Variants in CDK6 observed in about 807,000 individuals in gnomAD.
The protein encoded by CDK6 is cyclin dependent kinase 6, also known as cyclin-dependent kinase 6.
In CDK6, 6 loss-of-function variants were observed where a neutral mutation model predicts 37.1. The observed-to-expected ratio is 0.16, with a 90% CI of 0.09 to 0.32. The LOEUF is 0.32. CDK6 is among the 10% of genes least tolerant of loss of function. CDK6 has a pLI of 1.00. For synonymous variants in CDK6, 160 were observed against 161.3 expected (o/e 0.99, Z 0.06); for missense variants, 224 against 418.9 (o/e 0.53, Z 4.06).
At chr7:92,634,566 T>C (rs910703169) in intron 5 of CDK6, among the ~76,000 whole-genome samples, 1 of 152,196 alleles carries the variant, frequency 6.6e-6, no homozygotes, top group East Asian at 1.9e-4. Context: ...GAATTCTGAC[T>C]GGAGTTGCAT....
At chr7:92,675,350 T>TA (rs1797180092) in intron 4 of CDK6, among the ~76,000 whole-genome samples, 2 of 152,220 alleles carry the variant, frequency 1.3e-5, no homozygotes, top group Non-Finnish European at 2.9e-5. Flanking sequence ...ATCAAATGCT[T>TA]TTTAAAATGT....
intron 3 of CDK6, among the ~76,000 whole-genome samples, chr7:92,766,856 CTAAG>C (rs1445928280): frequency 6.6e-6 from 1 of 152,168 alleles, no homozygotes; most frequent in African/African-American, 2.4e-5. Context: ...TTAGCTGAAT[CTAAG>C]TGTCATTTGC....
At chr7:92,683,844 A>G (rs2116628250) in intron 4 of CDK6, among the ~76,000 whole-genome samples, 1 of 152,370 alleles carries the variant, frequency 6.6e-6, no homozygotes, top group Middle Eastern at 3.4e-3. Context: ...AAAGGAGGAC[A>G]CATCTGAGAG....
At chr7:92,696,481 T>C (rs998090021) in intron 4 of CDK6, among the ~76,000 whole-genome samples, 1 of 152,170 alleles carries the variant, frequency 6.6e-6, no homozygotes, top group Admixed American at 6.5e-5. Flanking sequence ...TATATGTGTA[T>C]TTTTTTAATA....
intron 2 of CDK6, among the ~76,000 whole-genome samples, chr7:92,813,259 A>G (rs1038692928): frequency 2.6e-5 from 4 of 152,174 alleles, no homozygotes; most frequent in African/African-American, 9.7e-5. Context: ...ATAACCGTGA[A>G]AAGAAGATGG....
chr7:92,629,070 G>C (rs551107763), intron 5 of CDK6, among the ~76,000 whole-genome samples: 1 of 152,106 alleles, frequency 6.6e-6, no homozygotes, highest in African/African-American at 2.4e-5. Context: ...TGGTGGGAAA[G>C]AGCACGGAAA....
chr7:92,798,818 C>T (rs1364530602), intron 2 of CDK6, among the ~76,000 whole-genome samples: 1 of 152,086 alleles, frequency 6.6e-6, no homozygotes, highest in East Asian at 1.9e-4. Flanking sequence ...CTCCCAATTC[C>T]TCCCTGCTTC....
chr7:92,751,197 C>T (rs994561825), intron 3 of CDK6, among the ~76,000 whole-genome samples: 18 of 152,076 alleles, frequency 1.2e-4, no homozygotes, highest in Non-Finnish European at 2.4e-4. Context: ...CATAATCTTC[C>T]TTTGTTCTCA....
chr7:92,644,490 A>G (rs1796395123), intron 5 of CDK6, among the ~76,000 whole-genome samples: 1 of 152,128 alleles, frequency 6.6e-6, no homozygotes, highest in African/African-American at 2.4e-5. Flanking sequence ...CTGGAAATCT[A>G]TTTTTCCCTC....
At chr7:92,687,218 G>C (rs1207880632) in intron 4 of CDK6, among the ~76,000 whole-genome samples, 2 of 152,156 alleles carry the variant, frequency 1.3e-5, no homozygotes, top group East Asian at 3.8e-4. Flanking sequence ...CTCTCTTACA[G>C]CCCTTGCTGA....
intron 5 of CDK6, among the ~76,000 whole-genome samples, chr7:92,643,936 G>A (rs1335497731): frequency 6.6e-6 from 1 of 152,186 alleles, no homozygotes; most frequent in East Asian, 1.9e-4. Context: ...CCATGGAATT[G>A]TCATATCAGC....
At chr7:92,695,921 T>G (rs1273183640) in intron 4 of CDK6, among the ~76,000 whole-genome samples, 1 of 152,202 alleles carries the variant, frequency 6.6e-6, no homozygotes, top group Admixed American at 6.5e-5. Context: ...GAAGGACACC[T>G]CTCTCACGCA....
At chr7:92,759,369 G>A (rs2115715577) in intron 3 of CDK6, among the ~76,000 whole-genome samples, 1 of 152,220 alleles carries the variant, frequency 6.6e-6, no homozygotes, top group Middle Eastern at 3.4e-3. Context: ...CCTTTAACCT[G>A]TGTTTCAGAT....
intron 5 of CDK6, 143 bp from the exon 6 acceptor site, chr7:92,623,229 T>C: frequency 6.4e-6 from 4 of 625,942 alleles, no homozygotes; most frequent in Non-Finnish European, 1.1e-5. Flanking sequence ...ATTTTTCCTT[T>C]GGTAAGTGAA....
intron 5 of CDK6, among the ~76,000 whole-genome samples, chr7:92,662,962 G>A (rs1280807911): frequency 6.6e-6 from 1 of 152,156 alleles, no homozygotes; most frequent in African/African-American, 2.4e-5. Flanking sequence ...AAGATTGTGA[G>A]TAAAAGTTTG....
chr7:92,810,175 A>G (rs1284832282), intron 2 of CDK6, among the ~76,000 whole-genome samples: 1 of 152,222 alleles, frequency 6.6e-6, no homozygotes, highest in Non-Finnish European at 1.5e-5. Context: ...ATCTGTCAGA[A>G]TTAAGCCATT....
chr7:92,826,835 G>C (rs962292126), intron 2 of CDK6, among the ~76,000 whole-genome samples: 12 of 152,048 alleles, frequency 7.9e-5, no homozygotes, highest in African/African-American at 2.7e-4. Context: ...TTATCTAAGG[G>C]GTTTAAAATT....
intron 5 of CDK6, among the ~76,000 whole-genome samples, chr7:92,638,989 G>A (rs1055659824): frequency 1.4e-4 from 21 of 152,116 alleles, no homozygotes; most frequent in Admixed American, 9.8e-4. Flanking sequence ...TTTCTTGTTG[G>A]GGGGTGATGA....
intron 5 of CDK6, among the ~76,000 whole-genome samples, chr7:92,638,020 T>C (rs976076732): frequency 3.9e-5 from 6 of 152,222 alleles, no homozygotes; most frequent in African/African-American, 1.4e-4. Flanking sequence ...TTGGTATAAT[T>C]TGTTAATAGA....
Sources: gnomAD v4.1 joint callset for allele counts (sites outside exome capture counted in the v4.1 genomes callset) on GRCh38, gnomAD v4.1.1 for gene constraint, MANE v1.5 for transcripts, NCBI Gene and HGNC (gene_info 2026-07-23, HGNC 2026-07-21) for gene names.